Variants in NFYC observed in about 807,000 individuals in gnomAD.
The protein encoded by NFYC is nuclear transcription factor Y subunit gamma, also known as CAAT box DNA-binding protein subunit C.
NFYC carries 25 observed loss-of-function variants against 53.1 expected under a neutral mutation model. The observed-to-expected ratio is 0.47, with a 90% CI of 0.34 to 0.66. The LOEUF (loss-of-function observed/expected upper bound fraction) is 0.66, where lower values mean the gene tolerates loss of function less well. Among genes scored for constraint, NFYC ranks in the 30% least tolerant of loss-of-function variants. The probability of loss-of-function intolerance (pLI) is 0.01; values close to 1 mark genes in which losing one functional copy is unlikely to be tolerated. For synonymous variants in NFYC, 145 were observed against 152.6 expected (o/e 0.95, Z 0.37); for missense variants, 260 against 422.7 (o/e 0.62, Z 3.38).
intron 1 of NFYC, among the ~76,000 whole-genome samples, chr1:40,698,918 A>G (rs1270341768): frequency 6.6e-6 from 1 of 152,034 alleles, no homozygotes; most frequent in African/African-American, 2.4e-5. Context: ...TAATCCCAGC[A>G]CTTTGGGAGG....
chr1:40,703,108 C>T (rs377434239), intron 1 of NFYC, among the ~76,000 whole-genome samples: 1 of 152,204 alleles, frequency 6.6e-6, no homozygotes, highest in East Asian at 1.9e-4. Context: ...TGAGCCACCA[C>T]GCCTGGCCTA....
chr1:40,757,623 C>T (rs1053087291), intron 5 of NFYC, among the ~76,000 whole-genome samples: 1 of 152,210 alleles, frequency 6.6e-6, no homozygotes, highest in South Asian at 2.1e-4. Context: ...AATTTCAGCT[C>T]AGGAAAAGCC....
chr1:40,700,398 G>GT (rs1425115492), intron 1 of NFYC, among the ~76,000 whole-genome samples: 1 of 152,066 alleles, frequency 6.6e-6, no homozygotes, highest in African/African-American at 2.4e-5. Flanking sequence ...CTGGAGTGAG[G>GT]TGGTGTGATC....
chr1:40,756,575 G>C (rs1053556049), intron 5 of NFYC, among the ~76,000 whole-genome samples: 1 of 152,140 alleles, frequency 6.6e-6, no homozygotes, highest in Non-Finnish European at 1.5e-5. Context: ...CAGACATCAG[G>C]CAAACAAAGG....
intron 3 of NFYC, among the ~76,000 whole-genome samples, chr1:40,748,494 A>G (rs1645738870): frequency 6.6e-6 from 1 of 152,170 alleles, no homozygotes; most frequent in Non-Finnish European, 1.5e-5. Context: ...AATCAACAGG[A>G]CAGTGCCATC....
chr1:40,762,424 T>C (rs2148769383), intron 6 of NFYC, among the ~76,000 whole-genome samples: 1 of 152,350 alleles, frequency 6.6e-6, no homozygotes, highest in Middle Eastern at 3.4e-3. Context: ...TCTCAGTGTC[T>C]TACATGCCTA....
At chr1:40,726,532 C>T (rs1022576370) in intron 1 of NFYC, among the ~76,000 whole-genome samples, 1 of 152,130 alleles carries the variant, frequency 6.6e-6, no homozygotes, top group African/African-American at 2.4e-5. Context: ...ACTTCAGCCT[C>T]CCAAGTAGCT....
intron 5 of NFYC, chr1:40,754,486 G>A (rs1461629575): frequency 1.9e-6 from 1 of 523,838 alleles, no homozygotes; most frequent in Admixed American, 2.0e-5. Flanking sequence ...AAACATTGCA[G>A]GTTTGTGCCC....
At chr1:40,751,273 G>GA (rs1361535795) in intron 4 of NFYC, among the ~76,000 whole-genome samples, 3 of 152,150 alleles carry the variant, frequency 2.0e-5, no homozygotes, top group Non-Finnish European at 4.4e-5. Context: ...GAACCAGAGG[G>GA]AAAAAATTAC....
At chr1:40,763,507 C>T (rs1284704138) in intron 7 of NFYC, 7 of 421,810 alleles carry the variant, frequency 1.7e-5, no homozygotes, top group African/African-American at 8.3e-5. Context: ...CCACTATGCC[C>T]GGCTGATTTT....
chr1:40,722,135 C>T (rs1297449021), intron 1 of NFYC, among the ~76,000 whole-genome samples: 1 of 152,052 alleles, frequency 6.6e-6, no homozygotes, highest in East Asian at 1.9e-4. Flanking sequence ...CATGCTACTG[C>T]ATTCCAGCCT....
chr1:40,738,410 T>C (rs1247368200), intron 1 of NFYC, among the ~76,000 whole-genome samples: 1 of 152,198 alleles, frequency 6.6e-6, no homozygotes, highest in East Asian at 1.9e-4. Flanking sequence ...AAGAATTTGC[T>C]GAAGGCTGTG....
At chr1:40,736,842 AAAG>A in intron 1 of NFYC, among the ~76,000 whole-genome samples, 1 of 150,440 alleles carries the variant, frequency 6.6e-6, no homozygotes, top group Non-Finnish European at 1.5e-5. Flanking sequence ...AAAAAAAAAA[AAAG>A]GCTGGGCGCG....
chr1:40,744,548 T>C (rs1237588910), intron 2 of NFYC, among the ~76,000 whole-genome samples: 1 of 152,198 alleles, frequency 6.6e-6, no homozygotes, highest in Non-Finnish European at 1.5e-5. Context: ...GTCTCCAAAC[T>C]CTCATTGAGT....
At chr1:40,722,751 C>T (rs184666384) in intron 1 of NFYC, among the ~76,000 whole-genome samples, 2 of 152,286 alleles carry the variant, frequency 1.3e-5, no homozygotes, top group Middle Eastern at 3.4e-3. Context: ...GATCACAGTT[C>T]GCCAGAGAGC....
chr1:40,705,734 T>A (rs1643663703), intron 1 of NFYC, among the ~76,000 whole-genome samples: 1 of 152,208 alleles, frequency 6.6e-6, no homozygotes, highest in African/African-American at 2.4e-5. Flanking sequence ...GTCAGATTTT[T>A]AAATTTTAAT....
intron 1 of NFYC, among the ~76,000 whole-genome samples, chr1:40,730,311 G>A (rs1024202316): frequency 4.6e-5 from 7 of 151,078 alleles, no homozygotes. Context: ...AAAGTTCTGG[G>A]ATTACAGGCG....
chr1:40,737,966 G>A (rs1347845272), intron 1 of NFYC, among the ~76,000 whole-genome samples: 3 of 146,442 alleles, frequency 2.0e-5, no homozygotes, highest in African/African-American at 7.7e-5. Context: ...GCAGTGGCGG[G>A]ATCTCGGCTC....
intron 1 of NFYC, among the ~76,000 whole-genome samples, chr1:40,698,797 C>T (rs1403727716): frequency 6.6e-6 from 1 of 152,106 alleles, no homozygotes; most frequent in Admixed American, 6.5e-5. Context: ...AATAATTGTC[C>T]TATTCTTAAA....
Sources: gnomAD v4.1 joint callset for allele counts (sites outside exome capture counted in the v4.1 genomes callset) on GRCh38, gnomAD v4.1.1 for gene constraint, MANE v1.5 for transcripts, NCBI Gene and HGNC (gene_info 2026-07-23, HGNC 2026-07-21) for gene names.